The following PLCB1 variants were observed in gnomAD, a reference collection of about 807,000 sequenced individuals.
PLCB1 encodes the protein phospholipase C beta 1.
PLCB1 carries 46 observed loss-of-function variants against 161.8 expected under a neutral mutation model. That is an observed-to-expected ratio of 0.28 (90% CI 0.22 to 0.36). The LOEUF is 0.36. Among genes scored for constraint, PLCB1 ranks in the 10% least tolerant of loss-of-function variants. PLCB1 has a pLI of 1.00. For missense variants in PLCB1, 1,016 were observed against 1,472.5 expected (o/e 0.69, Z 5.07); for synonymous variants, 517 against 503.7 (o/e 1.03, Z -0.35).
chr20:8,367,488 G>A (rs1479628629), intron 2 of PLCB1, among the ~76,000 whole-genome samples: 1 of 152,144 alleles, frequency 6.6e-6, no homozygotes, highest in Non-Finnish European at 1.5e-5. Context: ...GAGAGCCACT[G>A]ATACGGAAGG....
intron 3 of PLCB1, among the ~76,000 whole-genome samples, chr20:8,520,083 T>G (rs1367575889): frequency 6.6e-6 from 1 of 152,158 alleles, no homozygotes; most frequent in Non-Finnish European, 1.5e-5. Context: ...AAAATCACAC[T>G]TAGGTGACAG....
chr20:8,676,198 G>C (rs1409790033), intron 9 of PLCB1, among the ~76,000 whole-genome samples: 1 of 152,084 alleles, frequency 6.6e-6, no homozygotes, highest in African/African-American at 2.4e-5. Context: ...CTGTCTCTAC[G>C]AAAAATACAA....
chr20:8,806,689 T>C (rs1984555380), intron 31 of PLCB1, among the ~76,000 whole-genome samples: 1 of 152,202 alleles, frequency 6.6e-6, no homozygotes, highest in African/African-American at 2.4e-5. Context: ...CACGTTGGGC[T>C]TTGCAACGGG....
chr20:8,747,004 A>C lies in PLCB1; in HGVS notation c.2523+5431A>C, dbSNP rs1184023750. On this transcript the variant is annotated intron_variant, in intron 23 of 31. Transcript: ENST00000338037. ...ACAGTTTAACAAGCATCTCCACCAC[A>C]CACACGCACTACCTCTGTAACAAAG... Among the ~76,000 whole-genome samples, 5 of 152,292 alleles carry C rather than the reference A, an allele frequency of 3.3e-5. No homozygotes were observed. In the East Asian group the frequency reaches 9.7e-4, roughly 29 times the overall value.
chr20:8,644,712 C>T (rs1226815091), intron 4 of PLCB1, among the ~76,000 whole-genome samples: 1 of 149,212 alleles, frequency 6.7e-6, no homozygotes. Context: ...GTGGGGGGGT[C>T]AGCCCCCCGC....
intron 9 of PLCB1, among the ~76,000 whole-genome samples, chr20:8,671,998 C>A (rs768611034): frequency 6.6e-6 from 1 of 152,194 alleles, no homozygotes; most frequent in Non-Finnish European, 1.5e-5. Flanking sequence ...GTAATAGTAG[C>A]TCCCATTATT....
chr20:8,393,429 TG>T (rs796799596), intron 3 of PLCB1, among the ~76,000 whole-genome samples: 2 of 152,096 alleles, frequency 1.3e-5, no homozygotes, highest in South Asian at 4.1e-4. Flanking sequence ...ACCAGCACTT[TG>T]GAAGGCCGAA....
intron 2 of PLCB1, among the ~76,000 whole-genome samples, chr20:8,363,669 C>G (rs188566338): frequency 6.6e-6 from 1 of 152,042 alleles, no homozygotes; most frequent in Non-Finnish European, 1.5e-5. Flanking sequence ...AGCTGCAGGT[C>G]CCTCTCACAC....
At chr20:8,663,019 T>G (rs1275023675) in intron 9 of PLCB1, among the ~76,000 whole-genome samples, 2 of 152,108 alleles carry the variant, frequency 1.3e-5, no homozygotes, top group Non-Finnish European at 2.9e-5. Flanking sequence ...TTAACTGTTT[T>G]CAGATGTGCC....
At chr20:8,812,130 T>C (rs2146253643) in intron 31 of PLCB1, among the ~76,000 whole-genome samples, 1 of 152,254 alleles carries the variant, frequency 6.6e-6, no homozygotes, top group African/African-American at 2.4e-5. Context: ...AGAGCCTTGC[T>C]TGCTATATAC....
At chr20:8,182,445 T>C (rs1303858266) in intron 2 of PLCB1, among the ~76,000 whole-genome samples, 1 of 152,154 alleles carries the variant, frequency 6.6e-6, no homozygotes, top group African/African-American at 2.4e-5. Flanking sequence ...GACCCCTACG[T>C]CTGTCAAGAG....
intron 31 of PLCB1, among the ~76,000 whole-genome samples, chr20:8,866,456 T>G (rs973512612): frequency 6.6e-6 from 1 of 152,228 alleles, no homozygotes; most frequent in African/African-American, 2.4e-5. Flanking sequence ...ACAGATGGAA[T>G]ACATTACCCA....
intron 27 of PLCB1, among the ~76,000 whole-genome samples, chr20:8,775,024 C>T (rs927649405): frequency 4.0e-5 from 6 of 148,874 alleles, no homozygotes; most frequent in Non-Finnish European, 8.9e-5. Context: ...AAATAGAAAA[C>T]ACTTATCTTT....
At chr20:8,545,490 C>G (rs1179364212) in intron 3 of PLCB1, among the ~76,000 whole-genome samples, 1 of 152,098 alleles carries the variant, frequency 6.6e-6, no homozygotes, top group Non-Finnish European at 1.5e-5. Flanking sequence ...AATGTTGGGA[C>G]AGACCAGTGG....
At chr20:8,397,118 A>T (rs1293482101) in intron 3 of PLCB1, among the ~76,000 whole-genome samples, 1 of 151,998 alleles carries the variant, frequency 6.6e-6, no homozygotes, top group Non-Finnish European at 1.5e-5. Flanking sequence ...CTGTTTTTGT[A>T]TAGTGGCAAT....
intron 2 of PLCB1, among the ~76,000 whole-genome samples, chr20:8,151,291 A>G (rs2051505703): frequency 6.6e-6 from 1 of 152,198 alleles, no homozygotes; most frequent in Admixed American, 6.5e-5. Flanking sequence ...AGCTCTTTCA[A>G]AACTCTACAT....
intron 3 of PLCB1, 82 bp from the exon 4 acceptor site, chr20:8,628,212 C>G: frequency 9.1e-7 from 1 of 1,095,746 alleles, no homozygotes; most frequent in South Asian, 1.3e-5. Flanking sequence ...TGAAATCATT[C>G]TAACTCAACA....
intron 2 of PLCB1, among the ~76,000 whole-genome samples, chr20:8,169,269 A>G (rs1374354244): frequency 1.3e-5 from 2 of 152,146 alleles, no homozygotes; most frequent in South Asian, 2.1e-4. Context: ...GATACCCTGT[A>G]TCAGATTATA....
intron 31 of PLCB1, among the ~76,000 whole-genome samples, chr20:8,852,097 G>T (rs1328463169): frequency 1.3e-5 from 2 of 151,992 alleles, no homozygotes; most frequent in Non-Finnish European, 2.9e-5. Flanking sequence ...TGCAAAATAG[G>T]CTGCTGTCTC....
Sources: gnomAD v4.1 joint callset for allele counts (sites outside exome capture counted in the v4.1 genomes callset) on GRCh38, gnomAD v4.1.1 for gene constraint, MANE v1.5 for transcripts, NCBI Gene and HGNC (gene_info 2026-07-23, HGNC 2026-07-21) for gene names.